Variants in MITF observed in about 807,000 individuals in gnomAD.
MITF encodes melanocyte inducing transcription factor.
Under a neutral mutation model 60.5 loss-of-function variants are expected in MITF, and 17 were observed. The ratio of observed to expected loss-of-function variants is 0.28; its 90% CI spans 0.19 to 0.42. The LOEUF is 0.42. MITF is among the 10% of genes least tolerant of loss of function. The pLI, the probability that MITF is intolerant of heterozygous loss-of-function variation, is 1.00. For synonymous variants in MITF, 260 were observed against 248.5 expected, an observed-to-expected ratio of 1.05 and a Z score of -0.43; for missense variants, 622 against 683.5, an observed-to-expected ratio of 0.91 and a Z score of 1.00.
chr3:69,831,270 A>G (rs746092246), intron 1 of MITF, among the ~76,000 whole-genome samples: 6 of 152,212 alleles, frequency 3.9e-5, no homozygotes, highest in Non-Finnish European at 8.8e-5. Context: ...CACTAATGAT[A>G]TGGTCTGGAC....
intron 1 of MITF, among the ~76,000 whole-genome samples, chr3:69,811,551 T>G (rs2063100756): frequency 6.6e-6 from 1 of 152,212 alleles, no homozygotes; most frequent in Admixed American, 6.5e-5. Context: ...CCCCAGTATA[T>G]GAATTATCTG....
intron 2 of MITF, among the ~76,000 whole-genome samples, chr3:69,890,972 C>T (rs1054168296): frequency 1.4e-4 from 22 of 152,138 alleles, no homozygotes; most frequent in Non-Finnish European, 1.6e-4. Context: ...ATGCTATGAC[C>T]TCCAGAAAGA....
chr3:69,776,014 A>G (rs957125219), intron 1 of MITF, among the ~76,000 whole-genome samples: 4 of 152,242 alleles, frequency 2.6e-5, no homozygotes, highest in Non-Finnish European at 5.9e-5. Flanking sequence ...GGTATCTATG[A>G]ATAGTCACAC....
intron 2 of MITF, among the ~76,000 whole-genome samples, chr3:69,919,452 A>G (rs978483387): frequency 2.0e-5 from 3 of 152,212 alleles, no homozygotes; most frequent in Admixed American, 2.0e-4. Context: ...AATCTTTAAA[A>G]CTGCAAAGAA....
At chr3:69,956,670 T>A in intron 8 of MITF, 140 bp downstream of exon 8, 1 of 724,302 alleles carries the variant, frequency 1.4e-6, no homozygotes. Flanking sequence ...AAATTCTTCT[T>A]ACACCTTTCT....
chr3:69,922,519 C>T (rs1559722104), intron 2 of MITF, among the ~76,000 whole-genome samples: 2 of 152,202 alleles, frequency 1.3e-5, no homozygotes, highest in African/African-American at 2.4e-5. Flanking sequence ...CACACCCGGC[C>T]GCCATTGCTT....
At chr3:69,855,301 A>T (rs995116929) in intron 1 of MITF, among the ~76,000 whole-genome samples, 1 of 151,316 alleles carries the variant, frequency 6.6e-6, no homozygotes, top group Non-Finnish European at 1.5e-5. Flanking sequence ...AAAAAAGTAC[A>T]TATCTTTTTG....
At chr3:69,939,310 GC>G (rs1446673472) in intron 4 of MITF, 129 bp downstream of exon 4, 5 of 791,854 alleles carry the variant, frequency 6.3e-6, no homozygotes, top group Non-Finnish European at 8.3e-6. Context: ...TATAGAGAAA[GC>G]TAGGAACATT....
chr3:69,840,895 A>G (rs1305357620), intron 1 of MITF, among the ~76,000 whole-genome samples: 1 of 151,854 alleles, frequency 6.6e-6, no homozygotes, highest in Non-Finnish European at 1.5e-5. Context: ...AACTGGGATT[A>G]CAGGTACATG....
At chr3:69,740,329 T>A (rs1703483941) in intron 1 of MITF, among the ~76,000 whole-genome samples, 1 of 152,090 alleles carries the variant, frequency 6.6e-6, no homozygotes, top group South Asian at 2.1e-4. Flanking sequence ...CGTGTCCCCT[T>A]GTTCAAGTTA....
rs986797864 is a variant in MITF at position 69,853,495 on chromosome 3, C to T, written c.105-25639C>T. Among the ~76,000 whole-genome samples the T allele has an allele frequency of 3.9e-5, 6 of 152,058 alleles. No individual in the cohort carries two copies. The South Asian group carries it at 1.2e-3, about 32-fold the overall frequency. ...TATATCATACATATAGAAAGCAATA[C>T]CTGTCCGTTTAGTAAAGACCAATAA... On this transcript the variant is annotated intron_variant, in intron 1 of 9. Coordinates refer to ENST00000352241, the MANE Select transcript of MITF (RefSeq NM_001354604.2).
At chr3:69,794,007 G>C (rs2062787618) in intron 1 of MITF, among the ~76,000 whole-genome samples, 1 of 152,092 alleles carries the variant, frequency 6.6e-6, no homozygotes, top group Admixed American at 6.5e-5. Flanking sequence ...AGCAGTTCAC[G>C]AGGCACCCAT....
intron 1 of MITF, among the ~76,000 whole-genome samples, chr3:69,775,569 T>C (rs766991071): frequency 6.6e-6 from 1 of 152,234 alleles, no homozygotes; most frequent in Non-Finnish European, 1.5e-5. Flanking sequence ...GGGGCTGTGA[T>C]TTGTCAATTT....
At chr3:69,758,598 C>T (rs72950030) in intron 1 of MITF, 2,850 of 191,682 alleles carry the variant, frequency 0.015, 84 homozygotes, top group African/African-American at 0.062. Context: ...TAGCCCAATC[C>T]GGTAATACTT....
chr3:69,862,608 A>G (rs1215644727), intron 1 of MITF, among the ~76,000 whole-genome samples: 3 of 152,224 alleles, frequency 2.0e-5, no homozygotes, highest in African/African-American at 7.2e-5. Context: ...GGACAGGATA[A>G]CAAGTAAAAT....
rs532175498 is a variant in MITF at position 69,857,786 on chromosome 3, C to T, written c.105-21348C>T. 2.6e-5 allele frequency among the ~76,000 whole-genome samples: 4 copies of T among 152,164 alleles called. No individual in the cohort carries two copies. In the East Asian group the frequency reaches 5.8e-4, roughly 22 times the overall value. On this transcript the variant is annotated intron_variant, in intron 1 of 9. Transcript: ENST00000352241. ...TGCATCTTAAGCCTATTGAACAGTG[C>T]CTGGGACATAGGAGGTGCTCAATAA...
At chr3:69,809,724 ATGT>A (rs1043915665) in intron 1 of MITF, among the ~76,000 whole-genome samples, 21 of 151,130 alleles carry the variant, frequency 1.4e-4, no homozygotes, top group African/African-American at 4.6e-4. Context: ...AAGTAATGAG[ATGT>A]TGTTGTTTGC....
intron 2 of MITF, among the ~76,000 whole-genome samples, chr3:69,914,121 TTTTG>T (rs1053932142): frequency 2.6e-5 from 4 of 152,234 alleles, no homozygotes; most frequent in East Asian, 1.9e-4. Flanking sequence ...AATGGAACTT[TTTTG>T]TTTGTTTGTT....
chr3:69,754,093 A>T (rs900967919), intron 1 of MITF, among the ~76,000 whole-genome samples: 6 of 151,946 alleles, frequency 3.9e-5, no homozygotes, highest in Admixed American at 6.5e-5. Context: ...GTGAGGCCTG[A>T]TGGGAGGTGA....
Sources: gnomAD v4.1 joint callset for allele counts (sites outside exome capture counted in the v4.1 genomes callset) on GRCh38, gnomAD v4.1.1 for gene constraint, MANE v1.5 for transcripts, NCBI Gene and HGNC (gene_info 2026-07-23, HGNC 2026-07-21) for gene names.